Variants in THSD7B observed in about 807,000 individuals in gnomAD.
THSD7B encodes the protein thrombospondin type 1 domain containing 7B.
A neutral mutation model predicts 213.6 loss-of-function variants in THSD7B; 138 were observed. That is an observed-to-expected ratio of 0.65 (90% CI 0.56 to 0.74). The LOEUF (loss-of-function observed/expected upper bound fraction) is 0.74, where lower values mean the gene tolerates loss of function less well. Among genes scored for constraint, THSD7B ranks in the 30% least tolerant of loss-of-function variants. THSD7B has a pLI of 0.00. For missense variants in THSD7B, 1,931 were observed against 1,991.5 expected (o/e 0.97, Z 0.58); for synonymous variants, 742 against 687.0 (o/e 1.08, Z -1.25).
chr2:137,522,720 T>C (rs1028872719), intron 15 of THSD7B, among the ~76,000 whole-genome samples: 3 of 152,200 alleles, frequency 2.0e-5, no homozygotes, highest in African/African-American at 7.2e-5. Flanking sequence ...ATCTACCTTC[T>C]ACTTAAATGA....
intron 17 of THSD7B, among the ~76,000 whole-genome samples, chr2:137,573,982 T>C (rs1407612058): frequency 1.3e-5 from 2 of 152,046 alleles, no homozygotes; most frequent in Non-Finnish European, 2.9e-5. Flanking sequence ...GATTATTCCA[T>C]GAGTGAGTAT....
At chr2:137,479,848 C>CA (rs1172587970) in intron 15 of THSD7B, among the ~76,000 whole-genome samples, 4 of 152,124 alleles carry the variant, frequency 2.6e-5, no homozygotes, top group African/African-American at 9.7e-5. Flanking sequence ...GCTTGGGACT[C>CA]AGAGTTTTGT....
At chr2:136,895,490 C>G (rs1683940981) in intron 2 of THSD7B, among the ~76,000 whole-genome samples, 1 of 140,182 alleles carries the variant, frequency 7.1e-6, no homozygotes, top group Non-Finnish European at 1.5e-5. Context: ...TCCAAATGAA[C>G]CAATGTTTTA....
chr2:137,390,445 T>C (rs1287914675), intron 12 of THSD7B, among the ~76,000 whole-genome samples: 1 of 152,200 alleles, frequency 6.6e-6, no homozygotes, highest in Non-Finnish European at 1.5e-5. Flanking sequence ...ATGGAATCTT[T>C]ATGTTTTTTG....
At chr2:136,768,160 G>T (rs919337655) in intron 1 of THSD7B, among the ~76,000 whole-genome samples, 12 of 152,360 alleles carry the variant, frequency 7.9e-5, no homozygotes, top group African/African-American at 2.9e-4. Context: ...TACTTCATCA[G>T]AAGGGCTATG....
In THSD7B at chr2:137,055,117, T is replaced by C. The variant is rs1687138515; in HGVS notation, c.140-1303T>C. On this transcript the variant is annotated intron_variant, in intron 2 of 27. Transcript: ENST00000409968. ...CCCTGTGAAGGACATGAACTCATTC[T>C]TTTTTATGGCTGCATAGTATTCCAT... Among the ~76,000 whole-genome samples the C allele has an allele frequency of 2.0e-5, 3 of 152,238 alleles. No individual in the cohort carries two copies. In the South Asian group the frequency reaches 6.2e-4, roughly 31 times the overall value.
chr2:137,294,829 A>T (rs1413450919), intron 12 of THSD7B, among the ~76,000 whole-genome samples: 1 of 152,104 alleles, frequency 6.6e-6, no homozygotes, highest in Non-Finnish European at 1.5e-5. Context: ...GGGTAAGAGG[A>T]GACTGGTATG....
intron 7 of THSD7B, among the ~76,000 whole-genome samples, chr2:137,193,111 G>C (rs532967236): frequency 6.6e-6 from 1 of 152,082 alleles, no homozygotes; most frequent in Non-Finnish European, 1.5e-5. Flanking sequence ...TCAGAGTCCA[G>C]CCAATCTCCC....
At chr2:136,862,812 CT>C (rs1683275183) in intron 1 of THSD7B, among the ~76,000 whole-genome samples, 1 of 152,168 alleles carries the variant, frequency 6.6e-6, no homozygotes, top group South Asian at 2.1e-4. Context: ...AGCCCTTAGC[CT>C]TCTCCTCTTT....
chr2:137,386,633 C>T (rs896332716), intron 12 of THSD7B, among the ~76,000 whole-genome samples: 1 of 152,168 alleles, frequency 6.6e-6, no homozygotes, highest in Non-Finnish European at 1.5e-5. Context: ...TCTGAAGTAG[C>T]AAGCTCCAGC....
At chr2:137,562,202 G>A (rs1573710539) in intron 15 of THSD7B, among the ~76,000 whole-genome samples, 1 of 152,260 alleles carries the variant, frequency 6.6e-6, no homozygotes, top group Middle Eastern at 3.4e-3. Context: ...AGAAAGGCAA[G>A]AGGAGGAAAG....
chr2:137,416,714 C>T (rs2105020194), intron 14 of THSD7B, among the ~76,000 whole-genome samples: 1 of 152,278 alleles, frequency 6.6e-6, no homozygotes, highest in Non-Finnish European at 1.5e-5. Context: ...TTTTAACAGC[C>T]CCTTGGGTAG....
intron 12 of THSD7B, among the ~76,000 whole-genome samples, chr2:137,296,956 T>C (rs571851587): frequency 2.6e-5 from 4 of 152,192 alleles, no homozygotes; most frequent in African/African-American, 9.6e-5. Flanking sequence ...GCATAAGAGA[T>C]TCAAATATGT....
intron 15 of THSD7B, among the ~76,000 whole-genome samples, chr2:137,491,145 TA>T (rs1202681392): frequency 6.6e-6 from 1 of 152,248 alleles, no homozygotes; most frequent in Non-Finnish European, 1.5e-5. Flanking sequence ...AATGAAACTA[TA>T]ACCTCTTAAC....
At chr2:137,036,637 T>G (rs979434812) in intron 2 of THSD7B, among the ~76,000 whole-genome samples, 3 of 152,194 alleles carry the variant, frequency 2.0e-5, no homozygotes, top group African/African-American at 7.2e-5. Context: ...GTAAAAGAAC[T>G]GCAAGTTTAA....
chr2:137,035,906 G>A (rs1275997876), intron 2 of THSD7B, among the ~76,000 whole-genome samples: 1 of 152,096 alleles, frequency 6.6e-6, no homozygotes, highest in Non-Finnish European at 1.5e-5. Context: ...CATAAATCAT[G>A]TACAAAATGT....
intron 5 of THSD7B, among the ~76,000 whole-genome samples, chr2:137,131,284 T>G (rs1293340617): frequency 6.6e-6 from 1 of 151,802 alleles, no homozygotes; most frequent in Non-Finnish European, 1.5e-5. Flanking sequence ...TATTAGCCCT[T>G]TGTCAGATGA....
chr2:136,815,236 T>G (rs1682450881), intron 1 of THSD7B, among the ~76,000 whole-genome samples: 1 of 152,210 alleles, frequency 6.6e-6, no homozygotes, highest in African/African-American at 2.4e-5. Flanking sequence ...GCTGCCTGTA[T>G]TTTGGAGAGA....
intron 3 of THSD7B, among the ~76,000 whole-genome samples, chr2:137,078,051 C>T (rs1687667629): frequency 6.6e-6 from 1 of 152,168 alleles, no homozygotes. Context: ...TTTGGCTAGC[C>T]AGTTTTCCCA....
Sources: allele counts gnomAD v4.1 joint callset (sites outside exome capture counted in the v4.1 genomes callset), GRCh38; gene constraint gnomAD v4.1.1; transcripts MANE v1.5; gene names NCBI Gene and HGNC (gene_info 2026-07-23, HGNC 2026-07-21).